SEMA5A: variants seen among roughly 807,000 people sequenced by gnomAD.
SEMA5A encodes the protein semaphorin 5A.
SEMA5A carries 55 observed loss-of-function variants against 135.5 expected under a neutral mutation model. The ratio of observed to expected loss-of-function variants is 0.41; its 90% CI spans 0.33 to 0.51. The LOEUF (loss-of-function observed/expected upper bound fraction) is 0.51. SEMA5A is among the 20% of genes least tolerant of loss of function. The pLI is 0.37. For synonymous variants in SEMA5A, 580 were observed against 546.5 expected, an observed-to-expected ratio of 1.06 and a Z score of -0.85; for missense variants, 1,290 against 1,419.9, an observed-to-expected ratio of 0.91 and a Z score of 1.47.
At chr5:9,195,356 G>T (rs557786036) in intron 10 of SEMA5A, among the ~76,000 whole-genome samples, 12 of 152,128 alleles carry the variant, frequency 7.9e-5, no homozygotes, top group African/African-American at 2.4e-4. Flanking sequence ...TATTTTTGTA[G>T]AGACAGGGTC....
intron 16 of SEMA5A, among the ~76,000 whole-genome samples, chr5:9,084,607 C>T (rs1738578413): frequency 6.6e-6 from 1 of 152,182 alleles, no homozygotes; most frequent in Admixed American, 6.5e-5. Flanking sequence ...CACATTCCAC[C>T]ATAATTGTGA....
intron 2 of SEMA5A, among the ~76,000 whole-genome samples, chr5:9,427,858 A>C (rs910241563): frequency 6.6e-6 from 1 of 152,152 alleles, no homozygotes; most frequent in African/African-American, 2.4e-5. Flanking sequence ...GCTGGGTGTT[A>C]GTATACTGTT....
chr5:9,054,629 C>T (rs257094), intron 18 of SEMA5A, among the ~76,000 whole-genome samples: 133,049 of 152,186 alleles, frequency 0.87, 58,253 homozygotes, highest in East Asian at 0.96. Flanking sequence ...CCACCTTGTA[C>T]GGTTATTGAT....
At chr5:9,475,680 T>C (rs999167855) in intron 1 of SEMA5A, among the ~76,000 whole-genome samples, 1 of 152,192 alleles carries the variant, frequency 6.6e-6, no homozygotes, top group African/African-American at 2.4e-5. Flanking sequence ...AAAATAAAGT[T>C]GATTTAGCCA....
At chr5:9,451,835 C>A (rs1758655426) in intron 1 of SEMA5A, among the ~76,000 whole-genome samples, 2 of 152,146 alleles carry the variant, frequency 1.3e-5, no homozygotes, top group Non-Finnish European at 2.9e-5. Context: ...TTCTTTCCTG[C>A]ACGGCTGAGG....
intron 1 of SEMA5A, among the ~76,000 whole-genome samples, chr5:9,544,429 G>C (rs1306656756): frequency 1.3e-5 from 2 of 152,158 alleles, no homozygotes; most frequent in Non-Finnish European, 2.9e-5. Flanking sequence ...TCTAGTTAGA[G>C]CATTTATGTC....
rs931495543 is a variant in SEMA5A at position 9,041,126 on chromosome 5, A to G, written c.*1771T>C. ...AAATAACTTACAGAGCCCACCTGCC[A>G]TTTCAATACTGTGTCATCTCTGTAA... On this transcript the variant is annotated 3_prime_UTR_variant, in exon 23 of 23. Transcript: ENST00000382496. 5 of 152,238 alleles carry G rather than the reference A, an allele frequency of 3.3e-5. No homozygotes were observed. Among genetic ancestry groups the G allele is most frequent in the Non-Finnish European group, 7.3e-5 (5 of 68,028 alleles). 9.4% of individuals were successfully genotyped at this position (152,238 alleles called of 1,614,324 possible).
chr5:9,224,590 A>T, intron 8 of SEMA5A, 84 bp downstream of exon 8: 1 of 1,151,840 alleles, frequency 8.7e-7, no homozygotes, highest in South Asian at 1.3e-5. Flanking sequence ...TTTTATTTAG[A>T]GTGTTGTAGT....
chr5:9,387,564 A>G (rs996238436), intron 2 of SEMA5A, among the ~76,000 whole-genome samples: 4 of 152,240 alleles, frequency 2.6e-5, no homozygotes, highest in Non-Finnish European at 4.4e-5. Flanking sequence ...AGAGCGTTCA[A>G]TGAAACAGGA....
At chr5:9,226,793 T>C (rs746010766) in intron 7 of SEMA5A, 76 bp downstream of exon 7, 43 of 1,166,540 alleles carry the variant, frequency 3.7e-5, no homozygotes, top group Non-Finnish European at 5.0e-5. Context: ...AGAAATTCAT[T>C]TAAAACTAGT....
chr5:9,486,726 G>T (rs766050344), intron 1 of SEMA5A, among the ~76,000 whole-genome samples: 10 of 152,064 alleles, frequency 6.6e-5, no homozygotes, highest in Non-Finnish European at 1.0e-4. Flanking sequence ...AATGCAAGAA[G>T]AAACCTTACA....
intron 2 of SEMA5A, among the ~76,000 whole-genome samples, chr5:9,409,426 A>G (rs1757021367): frequency 6.6e-6 from 1 of 152,200 alleles, no homozygotes; most frequent in Admixed American, 6.5e-5. Context: ...CCATGTAACA[A>G]AAATTGTACT....
intron 10 of SEMA5A, among the ~76,000 whole-genome samples, chr5:9,196,405 A>G (rs887778338): frequency 6.6e-6 from 1 of 152,230 alleles, no homozygotes; most frequent in East Asian, 1.9e-4. Context: ...AGCCAGGAAG[A>G]GAGAGCCCTC....
intron 2 of SEMA5A, among the ~76,000 whole-genome samples, chr5:9,432,160 A>G (rs915355821): frequency 3.9e-4 from 60 of 152,176 alleles, no homozygotes; most frequent in African/African-American, 1.4e-3. Context: ...GCTTGTGACA[A>G]AACAGATCAG....
intron 5 of SEMA5A, among the ~76,000 whole-genome samples, chr5:9,313,606 C>T (rs1402376328): frequency 6.6e-6 from 1 of 152,064 alleles, no homozygotes; most frequent in Non-Finnish European, 1.5e-5. Context: ...AGAAAGAAAA[C>T]ACTTCTTACA....
intron 1 of SEMA5A, among the ~76,000 whole-genome samples, chr5:9,536,838 T>C (rs564845670): frequency 6.6e-6 from 1 of 152,302 alleles, no homozygotes; most frequent in African/African-American, 2.4e-5. Flanking sequence ...AAGTTTCTCT[T>C]CACTGACACT....
intron 1 of SEMA5A, among the ~76,000 whole-genome samples, chr5:9,537,564 A>C (rs1737839488): frequency 6.6e-6 from 1 of 152,208 alleles, no homozygotes; most frequent in Non-Finnish European, 1.5e-5. Flanking sequence ...ACCACTCATG[A>C]AGGGTGATAA....
intron 1 of SEMA5A, among the ~76,000 whole-genome samples, chr5:9,485,691 T>G (rs1317444934): frequency 6.6e-6 from 1 of 152,080 alleles, no homozygotes. Context: ...AATGAGAACC[T>G]GCTATACACC....
intron 2 of SEMA5A, among the ~76,000 whole-genome samples, chr5:9,405,952 A>C (rs544364940): frequency 6.6e-6 from 1 of 152,300 alleles, no homozygotes; most frequent in South Asian, 2.1e-4. Context: ...CAGCAGAAAC[A>C]ACAAGATGAT....
Sources: gnomAD v4.1 joint callset for allele counts (sites outside exome capture counted in the v4.1 genomes callset) on GRCh38, gnomAD v4.1.1 for gene constraint, MANE v1.5 for transcripts, NCBI Gene and HGNC (gene_info 2026-07-23, HGNC 2026-07-21) for gene names.